The following MACROD2 variants were observed in gnomAD, a reference collection of about 807,000 sequenced individuals.
MACROD2 encodes mono-ADP ribosylhydrolase 2.
Under a neutral mutation model 70.4 loss-of-function variants are expected in MACROD2, and 36 were observed. The ratio of observed to expected loss-of-function variants is 0.51; its 90% confidence interval spans 0.39 to 0.68. The LOEUF (loss-of-function observed/expected upper bound fraction) is 0.68. MACROD2 is among the 30% of genes least tolerant of loss of function. MACROD2 has a pLI of 0.00. For missense variants in MACROD2, 496 were observed against 538.4 expected (o/e 0.92, Z 0.78); for synonymous variants, 172 against 178.8 (o/e 0.96, Z 0.30).
chr20:14,102,892 C>A (rs1012769295), intron 3 of MACROD2, among the ~76,000 whole-genome samples: 10 of 151,980 alleles, frequency 6.6e-5, no homozygotes, highest in Non-Finnish European at 1.3e-4. Context: ...CATGTTTGAG[C>A]TTCTAGCTAT....
chr20:14,304,678 G>T (rs943800783), intron 3 of MACROD2, among the ~76,000 whole-genome samples: 1 of 151,916 alleles, frequency 6.6e-6, no homozygotes, highest in Non-Finnish European at 1.5e-5. Context: ...CTAGTACTGG[G>T]TCAATCCAGC....
chr20:15,520,495 A>G (rs1025031094), intron 8 of MACROD2, among the ~76,000 whole-genome samples: 1 of 151,832 alleles, frequency 6.6e-6, no homozygotes, highest in Admixed American at 6.5e-5. Flanking sequence ...CCAGCGTGAC[A>G]TTGAAAACCA....
chr20:15,152,413 G>A (rs6110535), intron 5 of MACROD2, among the ~76,000 whole-genome samples: 87,492 of 148,642 alleles, frequency 0.59, 26,096 homozygotes, highest in East Asian at 0.65. Context: ...GGGGTTTGGG[G>A]CATGGAAATA....
intron 6 of MACROD2, among the ~76,000 whole-genome samples, chr20:15,233,975 A>T (rs1466114896): frequency 2.0e-5 from 1 of 50,232 alleles, no homozygotes; most frequent in East Asian, 4.5e-4. Context: ...ATTTTTATAT[A>T]TATTTATTTA....
chr20:15,853,959 T>G (rs549754645), intron 8 of MACROD2, among the ~76,000 whole-genome samples: 2 of 152,030 alleles, frequency 1.3e-5, no homozygotes, highest in African/African-American at 4.8e-5. Context: ...AATGGTAAAG[T>G]CAAGTAGGGA....
Position 14,021,912 on chromosome 20 carries a change from TA to T in MACROD2, c.163+19509del, listed in dbSNP as rs1171434974. On this transcript the variant is annotated intron_variant, in intron 2 of 17. Coordinates refer to ENST00000684519, the MANE Select transcript of MACROD2 (RefSeq NM_001351661.2). Reference sequence around the variant, plus strand: ...TTTAACATGTTGCCCTGGAGAACCTTAGGGGGAAGGGGAAAGGGAAGGACTG... The same window carrying T: ...TTTAACATGTTGCCCTGGAGAACCTTGGGGGAAGGGGAAAGGGAAGGACTG... Among the ~76,000 whole-genome samples, 13 of 152,172 alleles carry T rather than the reference TA, an allele frequency of 8.5e-5. No individual in the cohort carries two copies. The East Asian group carries it at 2.5e-3, about 29-fold the overall frequency.
rs1272177433 is a variant in MACROD2, at chr20:15,986,631, CCAT to C, written c.986-95_986-93del. The stretch of plus-strand genomic sequence containing the variant: ...GGTTTCAAAACTGTTCTCTATCTCT[CCAT>C]GCATGATTAAAGCACGGTTTCTGAA... On this transcript the variant is annotated intron_variant, in intron 13 of 17. Transcript: ENST00000684519. 101 of 828,488 alleles carry C rather than the reference CCAT, an allele frequency of 1.2e-4. No individual in the cohort carries two copies. The East Asian group carries it at 2.5e-3, about 21-fold the overall frequency. The allele number at this position is 828,488 out of a possible 1,614,324, so 51.3% of individuals were successfully genotyped here. A position where few individuals can be genotyped will look rare whatever the true frequency, so the allele number is the denominator to read the frequency against.
rs140380652 is a variant in MACROD2 at position 14,767,267 on chromosome 20, T to C, written c.418+82308T>C. ...ACAGTTCTATTATATTTTTAAAATATAGTTGCCATGGTCAACAGTTATCCA... is the reference window on the plus strand; with the variant it reads ...ACAGTTCTATTATATTTTTAAAATACAGTTGCCATGGTCAACAGTTATCCA... On this transcript the variant is annotated intron_variant, in intron 5 of 17. Transcript: ENST00000684519. Among the ~76,000 whole-genome samples, 495 of 152,296 alleles carry C rather than the reference T, an allele frequency of 3.3e-3. 6 individuals carry two copies. Among genetic ancestry groups the C allele is most frequent in the African/African-American group, 0.011 (455 of 41,532 alleles).
chr20:15,278,143 T>C (rs552808123), intron 6 of MACROD2, among the ~76,000 whole-genome samples: 1 of 152,346 alleles, frequency 6.6e-6, no homozygotes, highest in African/African-American at 2.4e-5. Context: ...GCCTTTCTGA[T>C]GCCTAACAAT....
intron 5 of MACROD2, among the ~76,000 whole-genome samples, chr20:15,227,929 T>C (rs889862594): frequency 6.6e-6 from 1 of 151,154 alleles, no homozygotes; most frequent in African/African-American, 2.4e-5. Context: ...TGTGTTATTC[T>C]GGTTCAATTT....
At chr20:14,926,923 T>G (rs1280937324) in intron 5 of MACROD2, among the ~76,000 whole-genome samples, 1 of 152,154 alleles carries the variant, frequency 6.6e-6, no homozygotes, top group African/African-American at 2.4e-5. Context: ...CCTTACCAAA[T>G]TGATGATAAT....
intron 2 of MACROD2, among the ~76,000 whole-genome samples, chr20:14,078,468 G>A (rs192050811): frequency 6.6e-5 from 10 of 151,934 alleles, no homozygotes; most frequent in Non-Finnish European, 1.2e-4. Context: ...GTACAATGGC[G>A]CGATCTCGGC....
At chr20:14,373,366 T>C (rs1459615585) in intron 3 of MACROD2, among the ~76,000 whole-genome samples, 1 of 152,184 alleles carries the variant, frequency 6.6e-6, no homozygotes, top group Non-Finnish European at 1.5e-5. Context: ...AGAGGTTATT[T>C]AGACCAAAAT....
intron 5 of MACROD2, among the ~76,000 whole-genome samples, chr20:14,781,993 A>G (rs2123787155): frequency 6.6e-6 from 1 of 151,758 alleles, no homozygotes; most frequent in East Asian, 1.9e-4. Flanking sequence ...TGGTGATCTC[A>G]GCTCACTGCA....
At position 15,862,809 on chromosome 20, in the gene MACROD2, A is replaced by G. The variant is rs769250469; in HGVS notation, c.710A>G (p.Asn237Ser). ...TTCAAAATCTACAAAAAGAAAATGA[A>G]TGAGTTTTTCTCCGTAGGTGAGTAA... ...VDFKIYKKKM[N>S]EFFSVDDNNE... The change falls in exon 9 of 18, where the codon AAT becomes AGT. Residue 237 changes from asparagine (N) to serine (S), a missense_variant. By Grantham distance (46) the Asn-to-Ser change is conservative. Transcript: ENST00000684519. 3.7e-6 allele frequency: 6 copies of G among 1,611,914 alleles called. No individual in the cohort carries two copies. The Admixed American group carries it at 5.0e-5, about 14-fold the overall frequency.
chr20:15,052,688 C>A (rs531742484), intron 5 of MACROD2, among the ~76,000 whole-genome samples: 1 of 152,246 alleles, frequency 6.6e-6, no homozygotes, highest in Admixed American at 6.5e-5. Flanking sequence ...AATATTGAAA[C>A]CGAGCCAGTT....
chr20:15,434,449 C>T (rs1382937634), intron 7 of MACROD2, among the ~76,000 whole-genome samples: 1 of 152,022 alleles, frequency 6.6e-6, no homozygotes, highest in African/African-American at 2.4e-5. Flanking sequence ...CAGGGAAATG[C>T]AAGTTAAAAC....
chr20:14,571,910 G>T (rs1019572278), intron 4 of MACROD2, among the ~76,000 whole-genome samples: 4 of 151,972 alleles, frequency 2.6e-5, no homozygotes, highest in African/African-American at 7.2e-5. Flanking sequence ...CTAGGAGAAG[G>T]TACTTTATTA....
chr20:14,072,800 G>A (rs953513075), intron 2 of MACROD2, among the ~76,000 whole-genome samples: 4 of 152,110 alleles, frequency 2.6e-5, no homozygotes, highest in Admixed American at 1.3e-4. Flanking sequence ...TGGGCGTGGT[G>A]GCGGACGCCT....
Sources: allele counts gnomAD v4.1 joint callset (sites outside exome capture counted in the v4.1 genomes callset), GRCh38; gene constraint gnomAD v4.1.1; transcripts MANE v1.5; gene names NCBI Gene and HGNC (gene_info 2026-07-23, HGNC 2026-07-21).